The following EPB41L2 variants were observed in gnomAD, a reference collection of about 807,000 sequenced individuals.
EPB41L2 encodes the protein band 4.1-like protein 2.
In EPB41L2, 43 loss-of-function variants were observed where a neutral mutation model predicts 113.0. The observed-to-expected ratio is 0.38, with a 90% CI of 0.30 to 0.49. The LOEUF (loss-of-function observed/expected upper bound fraction) is 0.49, where lower values mean the gene tolerates loss of function less well. Among genes scored for constraint, EPB41L2 ranks in the 20% least tolerant of loss-of-function variants. EPB41L2 has a pLI of 0.95. For missense variants in EPB41L2, 1,147 were observed against 1,223.4 expected (o/e 0.94, Z 0.93); for synonymous variants, 442 against 436.7 (o/e 1.01, Z -0.15).
At chr6:130,904,058 T>A (rs1181959142) in intron 6 of EPB41L2, among the ~76,000 whole-genome samples, 1 of 152,234 alleles carries the variant, frequency 6.6e-6, no homozygotes, top group African/African-American at 2.4e-5. Flanking sequence ...TCAATTGGAC[T>A]TTTAAAATAA....
chr6:131,054,209 T>A (rs553653447), intron 1 of EPB41L2, among the ~76,000 whole-genome samples: 2 of 152,328 alleles, frequency 1.3e-5, no homozygotes, highest in South Asian at 4.1e-4. Context: ...CCACACAGTT[T>A]GTTCATCTCC....
intron 3 of EPB41L2, among the ~76,000 whole-genome samples, chr6:130,935,652 C>T (rs1351526950): frequency 6.6e-6 from 1 of 152,034 alleles, no homozygotes; most frequent in Admixed American, 6.6e-5. Flanking sequence ...AAAATAAATG[C>T]TAATTTTTAG....
At chr6:131,062,174 C>T (rs778494075) in intron 1 of EPB41L2, among the ~76,000 whole-genome samples, 1 of 151,812 alleles carries the variant, frequency 6.6e-6, no homozygotes, top group Non-Finnish European at 1.5e-5. Flanking sequence ...GTTCTTCTCA[C>T]CAAACCTCAT....
chr6:130,841,152 T>C lies in EPB41L2; in HGVS notation c.*6-554A>G, dbSNP rs183594592. ...AGTTGAGCATTGGTATAGTGAGTAG[T>C]AAATAAAGGTACAAAATATTAGGTC... On this transcript the variant is annotated intron_variant, in intron 19 of 19. Transcript: ENST00000337057. 2.5e-3 allele frequency among the ~76,000 whole-genome samples: 358 copies of C among 145,974 alleles called. 2 individuals carry two copies. Among genetic ancestry groups the C allele is most frequent in the Non-Finnish European group, 4.3e-3 (288 of 66,946 alleles).
At chr6:130,972,453 T>A (rs1390852136) in intron 1 of EPB41L2, among the ~76,000 whole-genome samples, 1 of 150,498 alleles carries the variant, frequency 6.6e-6, no homozygotes, top group East Asian at 2.4e-4. Context: ...ATGTGTCAAT[T>A]CTAAGATTCA....
At chr6:130,888,238 G>A (rs1171661237) in intron 11 of EPB41L2, among the ~76,000 whole-genome samples, 1 of 152,132 alleles carries the variant, frequency 6.6e-6, no homozygotes, top group Non-Finnish European at 1.5e-5. Context: ...CCTAATCAAA[G>A]AGTTCACTGG....
chr6:130,997,137 T>C (rs6915836), intron 1 of EPB41L2, among the ~76,000 whole-genome samples: 148,517 of 152,306 alleles, frequency 0.98, 72,446 homozygotes, highest in East Asian at 1. Context: ...ACTGTTACAT[T>C]AGAGGACTTT....
intron 1 of EPB41L2, among the ~76,000 whole-genome samples, chr6:131,023,346 C>A (rs17059968): frequency 6.6e-6 from 1 of 152,070 alleles, no homozygotes; most frequent in East Asian, 1.9e-4. Flanking sequence ...ATCTTCCCTC[C>A]AAAATTAATT....
chr6:130,892,275 G>A (rs995620327), intron 10 of EPB41L2, among the ~76,000 whole-genome samples: 2 of 151,326 alleles, frequency 1.3e-5, no homozygotes, highest in East Asian at 2.0e-4. Flanking sequence ...CACAGGCACC[G>A]ATCTCTAAGC....
rs1440298619 is a variant in EPB41L2, at chr6:130,865,522, C to T, written c.2829+14G>A. 1 of 1,612,522 alleles carries T rather than the reference C, an allele frequency of 6.2e-7. No homozygotes were observed. The highest frequency in any genetic ancestry group is 2.2e-5 in the East Asian group (1 of 44,872). ...TGTACCATCCTCTCCATATGATCCC[C>T]TGCATTGCTTTACCTTGGTGATGTG... is the stretch of plus-strand genomic sequence containing the variant. On this transcript the variant is annotated intron_variant, in intron 17 of 19. Coordinates refer to ENST00000337057, the MANE Select transcript of EPB41L2 (RefSeq NM_001431.4).
chr6:130,866,649 TTC>T (rs1306627703), intron 16 of EPB41L2, among the ~76,000 whole-genome samples: 2 of 152,256 alleles, frequency 1.3e-5, no homozygotes, highest in Non-Finnish European at 2.9e-5. Context: ...TTAAAAAATA[TTC>T]TGAGAGGTCA....
intron 5 of EPB41L2, among the ~76,000 whole-genome samples, chr6:130,907,478 C>G (rs1798068387): frequency 6.6e-6 from 1 of 152,128 alleles, no homozygotes; most frequent in Non-Finnish European, 1.5e-5. Flanking sequence ...AGGATAGTGA[C>G]CAACCATTCC....
At chr6:131,034,014 T>G (rs1463110401) in intron 1 of EPB41L2, among the ~76,000 whole-genome samples, 2 of 152,216 alleles carry the variant, frequency 1.3e-5, no homozygotes, top group African/African-American at 4.8e-5. Flanking sequence ...ACTGAAGGGC[T>G]AAATCTATCA....
At chr6:130,975,467 T>C (rs967840679) in intron 1 of EPB41L2, among the ~76,000 whole-genome samples, 3 of 152,228 alleles carry the variant, frequency 2.0e-5, no homozygotes, top group Admixed American at 2.0e-4. Context: ...AAAGAATGAG[T>C]AAGATACAGA....
intron 1 of EPB41L2, among the ~76,000 whole-genome samples, chr6:131,017,943 T>C (rs1026890429): frequency 1.3e-5 from 2 of 152,228 alleles, no homozygotes; most frequent in Non-Finnish European, 2.9e-5. Context: ...ACAATTATGC[T>C]CTATTTTGCT....
rs148055016 is a variant in EPB41L2 at position 130,954,545 on chromosome 6, C to T, written c.705+560G>A. On this transcript the variant is annotated intron_variant, in intron 3 of 19. Coordinates refer to ENST00000337057, the MANE Select transcript of EPB41L2 (RefSeq NM_001431.4). ...TCAGCAAACATTAGCTATTAGTATA[C>T]GTTACGTAAATAATTTGTGGAAAGC... Among the ~76,000 whole-genome samples, 10 of 152,198 alleles carry T rather than the reference C, an allele frequency of 6.6e-5. No homozygotes were observed. In the East Asian group the frequency reaches 1.2e-3, roughly 18 times the overall value.
intron 1 of EPB41L2, among the ~76,000 whole-genome samples, chr6:131,046,488 C>T (rs1188773326): frequency 1.3e-5 from 2 of 152,134 alleles, no homozygotes; most frequent in East Asian, 1.9e-4. Flanking sequence ...GTTGAAATTC[C>T]GGTCACTACA....
intron 3 of EPB41L2, among the ~76,000 whole-genome samples, chr6:130,932,449 T>C (rs1807224201): frequency 6.6e-6 from 1 of 152,240 alleles, no homozygotes; most frequent in South Asian, 2.1e-4. Context: ...GTACACGTAG[T>C]TGCTTCATTA....
Position 130,947,168 on chromosome 6 carries a change from C to G in EPB41L2, c.705+7937G>C, listed in dbSNP as rs868716435. On this transcript the variant is annotated intron_variant, in intron 3 of 19. Transcript: ENST00000337057. Reference sequence around the variant, plus strand: ...TAAGCAGCTCCTTTTTGCTATGGATCAGTTTTAATCTTCTCATCCTGGCAT... The same window carrying G: ...TAAGCAGCTCCTTTTTGCTATGGATGAGTTTTAATCTTCTCATCCTGGCAT... Among the ~76,000 whole-genome samples the G allele has an allele frequency of 3.3e-5, 5 of 152,068 alleles. No individual in the cohort carries two copies. The South Asian group carries it at 1.0e-3, about 32-fold the overall frequency.
Sources: gnomAD v4.1 joint callset for allele counts (sites outside exome capture counted in the v4.1 genomes callset) on GRCh38, gnomAD v4.1.1 for gene constraint, MANE v1.5 for transcripts, NCBI Gene and HGNC (gene_info 2026-07-23, HGNC 2026-07-21) for gene names.